GPAM: variants seen among roughly 807,000 people sequenced by gnomAD.
The protein encoded by GPAM is glycerol-3-phosphate acyltransferase, mitochondrial, also known as glycerol-3-phosphate acyltransferase 1, mitochondrial.
In GPAM, 56 loss-of-function variants were observed where a neutral mutation model predicts 105.0. That is an observed-to-expected ratio of 0.53 (90% CI 0.43 to 0.67). The LOEUF (loss-of-function observed/expected upper bound fraction) is 0.67, where lower values mean the gene tolerates loss of function less well. GPAM is among the 30% of genes least tolerant of loss of function. The probability of loss-of-function intolerance (pLI) is 0.00; values close to 1 mark genes in which losing one functional copy is unlikely to be tolerated. For synonymous variants in GPAM, 368 were observed against 354.4 expected (o/e 1.04, Z -0.43); for missense variants, 855 against 989.8 (o/e 0.86, Z 1.83).
At chr10:112,215,447 GGCCTGCTAGGCTGA>G (rs1039309493), upstream of GPAM, 41 of 152,340 alleles carry the variant, frequency 2.7e-4, no homozygotes, top group African/African-American at 9.9e-4. Context: ...TCAGAGATAA[GGCCTGCTAGGCTGA>G]GCTTGGCCAG....
chr10:112,172,395 G>C (rs1377747692), intron 8 of GPAM, 77 bp from the exon 9 acceptor site: 6 of 1,169,438 alleles, frequency 5.1e-6, no homozygotes, highest in Non-Finnish European at 7.7e-6. Flanking sequence ...TATTTGGCTA[G>C]AGTCACTCAA....
upstream of GPAM, among the ~76,000 whole-genome samples, chr10:112,187,779 C>T (rs1030522991): frequency 6.6e-6 from 1 of 152,074 alleles, no homozygotes; most frequent in Non-Finnish European, 1.5e-5. Flanking sequence ...CACAGAACAT[C>T]CACCAAGATA....
At position 112,177,596 on chromosome 10, in the gene GPAM, C is replaced by G. The variant is rs140061209; in HGVS notation, c.299+388G>C. 5.8e-3 allele frequency among the ~76,000 whole-genome samples: 879 copies of G among 152,296 alleles called. 6 individuals are homozygous for G. Among genetic ancestry groups the G allele is most frequent in the Middle Eastern group, 0.014 (4 of 294 alleles). On this transcript the variant is annotated intron_variant, in intron 5 of 21. Coordinates refer to ENST00000348367, the MANE Select transcript of GPAM (RefSeq NM_001244949.2). ...AACAGAGAAAATGTCTTTTAACACC[C>G]TACAGATTGGGCAGATTTCAATAAT...
At chr10:112,217,385 A>T (rs542362752), upstream of GPAM, among the ~76,000 whole-genome samples, 70 of 152,158 alleles carry the variant, frequency 4.6e-4, no homozygotes, top group Non-Finnish European at 7.4e-4. Context: ...ATACAGTCAC[A>T]AATATCCACC....
In GPAM at chr10:112,153,499, T is replaced by A; in HGVS notation, c.*51A>T. Reference sequence around the variant, plus strand: ...AACTCTTGAGCCAGAAGCTGGTACCTACAAGGAACTCATCTCATGACCTTC... The same window carrying A: ...AACTCTTGAGCCAGAAGCTGGTACCAACAAGGAACTCATCTCATGACCTTC... On this transcript the variant is annotated 3_prime_UTR_variant, in exon 22 of 22. Transcript: ENST00000348367. 3 of 1,612,132 alleles carry A rather than the reference T, an allele frequency of 1.9e-6. No homozygotes were observed. Among genetic ancestry groups the A allele is most frequent in the Non-Finnish European group, 2.5e-6 (3 of 1,178,900 alleles).
chr10:112,151,249 CT>C lies in GPAM; in HGVS notation c.*2300del. The C allele has an allele frequency of 2.0e-6, 2 of 985,600 alleles. No homozygotes were observed. The highest frequency in any genetic ancestry group is 2.4e-6 in the Non-Finnish European group (2 of 829,760). 61.1% of individuals were successfully genotyped at this position (985,600 alleles called of 1,614,324 possible). The stretch of plus-strand genomic sequence containing the variant: ...GTTTAACCTTATGTGGAAGCCATCA[CT>C]GTTGGAAAACAATGAGAATGTATCT... On this transcript the variant is annotated 3_prime_UTR_variant, in exon 22 of 22. Coordinates refer to ENST00000348367, the MANE Select transcript of GPAM (RefSeq NM_001244949.2).
rs949336721 is a variant in GPAM at position 112,152,030 on chromosome 10, T to C, written c.*1520A>G. ...GTTTCAAACATGGTATTTCATACAA[T>C]GTGAAATATCAATCAGCATCCCTCC... On this transcript the variant is annotated 3_prime_UTR_variant, in exon 22 of 22. Transcript: ENST00000348367. 3.1e-6 allele frequency: 3 copies of C among 977,110 alleles called. No homozygotes were observed. The highest frequency in any genetic ancestry group is 5.2e-4 in the Middle Eastern group (1 of 1,912). 60.5% of individuals were successfully genotyped at this position (977,110 alleles called of 1,614,324 possible). A position where few individuals can be genotyped will look rare whatever the true frequency, so the allele number is the denominator to read the frequency against.
At chr10:112,161,517 C>G (rs1231825171) in intron 15 of GPAM, 150 bp downstream of exon 15, 1 of 675,100 alleles carries the variant, frequency 1.5e-6, no homozygotes. Flanking sequence ...AGTTGATAAG[C>G]TCCTTTGGGC....
At chr10:112,188,868 C>T (rs1410994768) in intron 1 of GPAM, among the ~76,000 whole-genome samples, 1 of 152,102 alleles carries the variant, frequency 6.6e-6, no homozygotes, top group Admixed American at 6.5e-5. Context: ...CCAAATCAAC[C>T]AGACACAAAG....
chr10:112,178,503 C>T (rs566453890), intron 4 of GPAM, among the ~76,000 whole-genome samples: 1 of 151,990 alleles, frequency 6.6e-6, no homozygotes, highest in Admixed American at 6.6e-5. Context: ...TGAGCCAACA[C>T]GATGCCATTG....
intron 1 of GPAM, among the ~76,000 whole-genome samples, chr10:112,212,211 A>G (rs763930322): frequency 5.9e-5 from 9 of 152,190 alleles, no homozygotes; most frequent in Non-Finnish European, 1.3e-4. Flanking sequence ...ACAGACAGGA[A>G]TATCTGTCTG....
upstream of GPAM, among the ~76,000 whole-genome samples, chr10:112,219,433 C>A (rs941060398): frequency 6.6e-6 from 1 of 152,204 alleles, no homozygotes; most frequent in East Asian, 1.9e-4. Context: ...AGCTAGGCAC[C>A]TCACAGCCCC....
chr10:112,176,224 A>C (rs1225380027), intron 5 of GPAM, among the ~76,000 whole-genome samples: 1 of 152,200 alleles, frequency 6.6e-6, no homozygotes, highest in Non-Finnish European at 1.5e-5. Flanking sequence ...GATCAGTTGA[A>C]AGAAGTCAAG....
At chr10:112,174,877 C>T (rs867906808) in intron 6 of GPAM, among the ~76,000 whole-genome samples, 19 of 152,258 alleles carry the variant, frequency 1.2e-4, no homozygotes, top group African/African-American at 4.6e-4. Context: ...ATTGTTCAGG[C>T]CTTAACAAAC....
chr10:112,177,591 A>T (rs1847430031), intron 5 of GPAM, among the ~76,000 whole-genome samples: 1 of 152,212 alleles, frequency 6.6e-6, no homozygotes, highest in African/African-American at 2.4e-5. Flanking sequence ...ATGTCTTTTA[A>T]CACCCTACAG....
At chr10:112,159,498 C>T (rs1386234798) in intron 17 of GPAM, among the ~76,000 whole-genome samples, 2 of 152,294 alleles carry the variant, frequency 1.3e-5, no homozygotes, top group East Asian at 1.9e-4. Flanking sequence ...GCTGAGATTA[C>T]AGGCGTGAGC....
intron 6 of GPAM, among the ~76,000 whole-genome samples, chr10:112,174,720 C>T (rs529706940): frequency 1.3e-5 from 2 of 152,130 alleles, no homozygotes; most frequent in African/African-American, 4.8e-5. Flanking sequence ...GACACTGATG[C>T]CCCCCAAGTC....
chr10:112,181,638 G>T (rs1589598332), intron 3 of GPAM, 45 bp downstream of exon 3: 4 of 1,034,468 alleles, frequency 3.9e-6, no homozygotes, highest in South Asian at 3.8e-5. Flanking sequence ...TCATTGAAAT[G>T]AACATTTTTA....
intron 6 of GPAM, among the ~76,000 whole-genome samples, chr10:112,174,975 C>A (rs570697318): frequency 6.6e-6 from 1 of 152,234 alleles, no homozygotes; most frequent in East Asian, 1.9e-4. Flanking sequence ...CCAGGTAGAT[C>A]TCTGAAACTG....
Sources: allele counts gnomAD v4.1 joint callset (sites outside exome capture counted in the v4.1 genomes callset), GRCh38; gene constraint gnomAD v4.1.1; transcripts MANE v1.5; gene names NCBI Gene and HGNC (gene_info 2026-07-23, HGNC 2026-07-21).